Variants in PCDHA4 observed in about 807,000 individuals in gnomAD.
PCDHA4 encodes the protein protocadherin alpha 4, also known as protocadherin alpha-4.
Under a neutral mutation model 61.4 loss-of-function variants are expected in PCDHA4, and 49 were observed. The observed-to-expected ratio is 0.80, with a 90% CI of 0.63 to 1.01. The LOEUF (loss-of-function observed/expected upper bound fraction) is 1.01, where lower values mean the gene tolerates loss of function less well. Ranked by LOEUF, PCDHA4 falls within the 50% of genes least tolerant of loss-of-function variation. The pLI, the probability that PCDHA4 is intolerant of heterozygous loss-of-function variation, is 0.00. For missense variants in PCDHA4, 1,254 were observed against 1,235.8 expected, an observed-to-expected ratio of 1.01 and a Z score of -0.22; for synonymous variants, 590 against 550.3, an observed-to-expected ratio of 1.07 and a Z score of -1.01.
At chr5:140,926,685 A>C in intron 1 of PCDHA4, 1 of 665,408 alleles carries the variant, frequency 1.5e-6, no homozygotes, top group Non-Finnish European at 2.3e-6. Context: ...CCTCCAGCCT[A>C]GCAAGCCCGG....
chr5:140,995,581 G>A (rs1268400169), intron 3 of PCDHA4, among the ~76,000 whole-genome samples: 6 of 152,292 alleles, frequency 3.9e-5, no homozygotes, highest in Admixed American at 2.0e-4. Context: ...TGAGCTATGA[G>A]CTTTTAACTT....
chr5:140,829,380 G>A, intron 1 of PCDHA4: 1 of 1,614,112 alleles, frequency 6.2e-7, no homozygotes, highest in Non-Finnish European at 8.5e-7. Flanking sequence ...GCGCGGGACG[G>A]GGGCTCGCCT....
chr5:140,843,487 G>A (rs2150361131), intron 1 of PCDHA4: 2 of 1,596,050 alleles, frequency 1.3e-6, no homozygotes, highest in Admixed American at 1.7e-5. Context: ...CTGCGCTGCG[G>A]TGCTCAGCAC....
chr5:140,822,497 T>C, intron 1 of PCDHA4: 1 of 1,613,868 alleles, frequency 6.2e-7, no homozygotes, highest in Non-Finnish European at 8.5e-7. Flanking sequence ...GCCCCAGAAT[T>C]TGATAAATCC....
chr5:140,962,014 G>C (rs2095650512), intron 1 of PCDHA4, among the ~76,000 whole-genome samples: 1 of 151,888 alleles, frequency 6.6e-6, no homozygotes, highest in African/African-American at 2.4e-5. Flanking sequence ...TTCCCGAGTA[G>C]CTGGGACTAC....
At chr5:140,925,505 C>T (rs528944783) in intron 1 of PCDHA4, among the ~76,000 whole-genome samples, 5 of 151,936 alleles carry the variant, frequency 3.3e-5, no homozygotes, top group African/African-American at 4.8e-5. Context: ...CCAATATCCA[C>T]GCAAAAGACC....
At chr5:140,834,216 C>G in intron 1 of PCDHA4, 1 of 658,062 alleles carries the variant, frequency 1.5e-6, no homozygotes, top group East Asian at 2.7e-5. Flanking sequence ...CTTTCGTAAT[C>G]AGCAAAAGGA....
rs782764384 is a variant in PCDHA4 at position 140,808,139 on chromosome 5, A to G, written c.952A>G (p.Ile318Val). The stretch of plus-strand genomic sequence containing the variant: ...CTTTGAAGAAAGCAAATCCTATGAA[A>G]TTATTGTAGAGGGCATTGATAAGGG... Reference protein sequence around the residue: ...IDFEESKSYEIIVEGIDKGQL... With the variant: ...IDFEESKSYEVIVEGIDKGQL... Residue 318 changes from isoleucine to valine, a missense_variant, in exon 1 of 4, where the codon ATT (isoleucine) becomes GTT (valine). Physicochemically the swap from Ile to Val is conservative, Grantham distance 29. Transcript: ENST00000530339. 6.2e-7 allele frequency: 1 copy of G among 1,614,144 alleles called. No individual in the cohort carries two copies. Among genetic ancestry groups the G allele is most frequent in the South Asian group, 1.1e-5 (1 of 91,090 alleles).
intron 1 of PCDHA4, among the ~76,000 whole-genome samples, chr5:140,953,627 T>C (rs1298172951): frequency 6.6e-6 from 1 of 152,178 alleles, no homozygotes; most frequent in Non-Finnish European, 1.5e-5. Context: ...ATTTGCTTTA[T>C]GTATTTTGGC....
chr5:140,927,317 G>A lies in PCDHA4; in HGVS notation c.2386-51632G>A, dbSNP rs782172424. ...CCCGAGTTCCTGACGCCCGGAGCCCGCTTTACTCTCCCGAATGCCCAAGAT... is the reference window on the plus strand; with the variant it reads ...CCCGAGTTCCTGACGCCCGGAGCCCACTTTACTCTCCCGAATGCCCAAGAT... On this transcript the variant is annotated intron_variant, in intron 1 of 3. Coordinates refer to ENST00000530339, the MANE Select transcript of PCDHA4 (RefSeq NM_018907.4). 3.2e-5 allele frequency: 52 copies of A among 1,614,146 alleles called. 1 individual carries two copies. The South Asian group carries it at 5.2e-4, about 16-fold the overall frequency.
intron 1 of PCDHA4, chr5:140,829,481 G>C: frequency 6.2e-6 from 10 of 1,613,786 alleles, no homozygotes; most frequent in Middle Eastern, 1.7e-4. Context: ...CACAGTGTTC[G>C]TGAAGGAGAA....
intron 1 of PCDHA4, chr5:140,881,395 T>C: frequency 1.0e-6 from 1 of 978,940 alleles, no homozygotes; most frequent in Non-Finnish European, 1.2e-6. Context: ...TAAGTTAAAT[T>C]CTATTAAATC....
chr5:140,863,406 G>A (rs1228817689), intron 1 of PCDHA4: 1 of 800,564 alleles, frequency 1.2e-6, no homozygotes, highest in East Asian at 4.2e-5. Context: ...GCAAGCCCAC[G>A]CTGGTGTACC....
rs2150240930 is a variant in PCDHA4 at position 140,835,656 on chromosome 5, G to A, written c.2385+26084G>A. The A allele has an allele frequency of 1.2e-4, 192 of 1,613,824 alleles. 3 individuals carry two copies. Among genetic ancestry groups the A allele is most frequent in the Non-Finnish European group, 1.5e-4 (179 of 1,179,886 alleles). On this transcript the variant is annotated intron_variant, in intron 1 of 3. Coordinates refer to ENST00000530339, the MANE Select transcript of PCDHA4 (RefSeq NM_018907.4). The stretch of plus-strand genomic sequence containing the variant: ...GAGTGTGTCCGCCTATGAGCTGGTG[G>A]TTACCGCGCGGGACGGGGGCTCGCC...
At chr5:140,955,705 T>G (rs1554222053) in intron 1 of PCDHA4, among the ~76,000 whole-genome samples, 1 of 152,232 alleles carries the variant, frequency 6.6e-6, no homozygotes, top group East Asian at 1.9e-4. Context: ...CAATGGAAGT[T>G]TAATAGGAAT....
At chr5:140,864,187 AT>A (rs2153225210) in intron 1 of PCDHA4, 1 of 152,208 alleles carries the variant, frequency 6.6e-6, no homozygotes, top group East Asian at 1.9e-4. Context: ...ATGAATAATG[AT>A]CCTTATGAGA....
At chr5:140,927,925 C>G in intron 1 of PCDHA4, 4 of 1,614,214 alleles carry the variant, frequency 2.5e-6, no homozygotes, top group Non-Finnish European at 8.5e-7. Flanking sequence ...CTTCCTGACT[C>G]TTTCGAACCC....
chr5:141,000,395 C>CTCTATAAA (rs1213762225), intron 3 of PCDHA4, among the ~76,000 whole-genome samples: 2 of 53,986 alleles, frequency 3.7e-5, no homozygotes, highest in African/African-American at 1.5e-4. Context: ...CTCTCTCTCT[C>CTCTATAAA]TATATATATA....
Position 140,871,256 on chromosome 5 carries a change from C to T in PCDHA4, c.2385+61684C>T, listed in dbSNP as rs781990448. ...CTGGTACTCACGCTGCTGCTGTATA[C>T]GGCGCTGTGGTGGTCGGCAACGCCC... On this transcript the variant is annotated intron_variant, in intron 1 of 3. Coordinates refer to ENST00000530339, the MANE Select transcript of PCDHA4 (RefSeq NM_018907.4). The T allele has an allele frequency of 4.3e-6, 7 of 1,613,866 alleles. No individual in the cohort carries two copies. Among genetic ancestry groups the T allele is most frequent in the East Asian group, 2.2e-5 (1 of 44,888 alleles).
Sources: gnomAD v4.1 joint callset for allele counts (sites outside exome capture counted in the v4.1 genomes callset) on GRCh38, gnomAD v4.1.1 for gene constraint, MANE v1.5 for transcripts, NCBI Gene and HGNC (gene_info 2026-07-23, HGNC 2026-07-21) for gene names.